Variants in MFHAS1 observed in about 807,000 individuals in gnomAD.
MFHAS1 encodes the protein malignant fibrous histiocytoma-amplified sequence 1.
Under a neutral mutation model 70.4 loss-of-function variants are expected in MFHAS1, and 50 were observed. That is an observed-to-expected ratio of 0.71 (90% CI 0.57 to 0.90). The LOEUF is 0.90. Ranked by LOEUF, MFHAS1 falls within the 40% of genes least tolerant of loss-of-function variation. The probability of loss-of-function intolerance (pLI) is 0.00; values close to 1 mark genes in which losing one functional copy is unlikely to be tolerated. For synonymous variants in MFHAS1, 952 were observed against 620.0 expected (o/e 1.54, Z -7.96); for missense variants, 1,795 against 1,347.6 (o/e 1.33, Z -5.20).
chr8:8,833,534 T>G (rs1192684147), intron 1 of MFHAS1, among the ~76,000 whole-genome samples: 1 of 151,696 alleles, frequency 6.6e-6, no homozygotes, highest in Non-Finnish European at 1.5e-5. Context: ...GAGGCTGAGG[T>G]AGGAAGACTG....
At chr8:8,845,250 A>G (rs1300373702) in intron 1 of MFHAS1, among the ~76,000 whole-genome samples, 2 of 152,244 alleles carry the variant, frequency 1.3e-5, no homozygotes, top group Non-Finnish European at 2.9e-5. Context: ...AGTTCACATA[A>G]AAGTCAGAAA....
chr8:8,788,697 T>G (rs1805630858), intron 2 of MFHAS1, among the ~76,000 whole-genome samples: 1 of 151,942 alleles, frequency 6.6e-6, no homozygotes, highest in African/African-American at 2.4e-5. Flanking sequence ...AAACAAAAAG[T>G]ATTGAGGAGA....
At chr8:8,810,811 A>C (rs755334769) in intron 1 of MFHAS1, among the ~76,000 whole-genome samples, 1 of 152,152 alleles carries the variant, frequency 6.6e-6, no homozygotes, top group Non-Finnish European at 1.5e-5. Flanking sequence ...GAGTTGTTCA[A>C]GGGTCAAGTG....
intron 1 of MFHAS1, chr8:8,859,863 A>C (rs552427679): frequency 3.3e-5 from 5 of 152,228 alleles, no homozygotes; most frequent in East Asian, 1.9e-4. Flanking sequence ...GGTGCCCCCA[A>C]TGCCTGCATT....
chr8:8,861,746 C>T (rs903022142), intron 1 of MFHAS1, among the ~76,000 whole-genome samples: 9 of 152,216 alleles, frequency 5.9e-5, no homozygotes, highest in Non-Finnish European at 1.3e-4. Flanking sequence ...CTTCCCCATA[C>T]CACCGGCCCC....
At chr8:8,879,484 G>C (rs1287695843) in intron 1 of MFHAS1, among the ~76,000 whole-genome samples, 1 of 152,176 alleles carries the variant, frequency 6.6e-6, no homozygotes, top group East Asian at 1.9e-4. Context: ...AGTTCTGCCT[G>C]AGATTTCTCG....
In MFHAS1 at chr8:8,890,662, T is replaced by G; in HGVS notation, c.2397A>C (p.Pro799=). Residue 799 remains proline (P), a synonymous_variant, in exon 1 of 3, where the codon CCA becomes CCC. Coordinates refer to ENST00000276282, the MANE Select transcript of MFHAS1 (RefSeq NM_004225.3). ...TAAGCAGCAACCGAATGACATGAGC[T>G]GGCAAGAGCCCATGCAACAGAAAGC... ...VEGFLLHGLL[P]AHVIRLLLKP... is the part of the protein sequence containing the mutation. The G allele has an allele frequency of 6.2e-7, 1 of 1,613,584 alleles. No individual in the cohort carries two copies. The highest frequency in any genetic ancestry group is 8.5e-7 in the Non-Finnish European group (1 of 1,179,662).
intron 1 of MFHAS1, among the ~76,000 whole-genome samples, chr8:8,856,973 G>C (rs1372702129): frequency 1.1e-5 from 1 of 88,448 alleles, no homozygotes; most frequent in East Asian, 3.6e-4. Context: ...TTTCACATCA[G>C]GAAAGTGAAA....
At chr8:8,848,277 C>T (rs569200782) in intron 1 of MFHAS1, among the ~76,000 whole-genome samples, 6 of 152,110 alleles carry the variant, frequency 3.9e-5, no homozygotes, top group Non-Finnish European at 7.3e-5. Context: ...ATAGCCTCCT[C>T]CTAGTCTTCA....
intron 1 of MFHAS1, among the ~76,000 whole-genome samples, chr8:8,868,148 T>G (rs772892718): frequency 6.6e-6 from 1 of 152,026 alleles, no homozygotes; most frequent in South Asian, 2.1e-4. Context: ...GGGGATTCAG[T>G]TGAATCTCCC....
intron 1 of MFHAS1, among the ~76,000 whole-genome samples, chr8:8,799,836 A>G (rs1379090879): frequency 6.6e-6 from 1 of 152,226 alleles, no homozygotes; most frequent in East Asian, 1.9e-4. Flanking sequence ...GCAGGCCCAT[A>G]TCAGCACTGG....
At chr8:8,801,530 T>C (rs3827810) in intron 1 of MFHAS1, among the ~76,000 whole-genome samples, 1 of 152,082 alleles carries the variant, frequency 6.6e-6, no homozygotes, top group Non-Finnish European at 1.5e-5. Context: ...TTAAGAAACG[T>C]GCACAGTTCC....
At position 8,860,600 on chromosome 8, in the gene MFHAS1, A is replaced by T. The variant is rs137929923; in HGVS notation, c.2998+29461T>A. ...CTGAGAGTGGCTCTGCCACCATCAC[A>T]GCAAACAGGAGGCTTAAGGATGAAG... On this transcript the variant is annotated intron_variant, in intron 1 of 2. Coordinates refer to ENST00000276282, the MANE Select transcript of MFHAS1 (RefSeq NM_004225.3). Among the ~76,000 whole-genome samples the T allele has an allele frequency of 1.1e-4, 16 of 152,272 alleles. No homozygotes were observed. In the East Asian group the frequency reaches 3.1e-3, roughly 29 times the overall value.
At chr8:8,823,407 G>C (rs1462824294) in intron 1 of MFHAS1, among the ~76,000 whole-genome samples, 1 of 152,152 alleles carries the variant, frequency 6.6e-6, no homozygotes, top group African/African-American at 2.4e-5. Context: ...CTCCGATCCT[G>C]GTGCTGCGCT....
Position 8,892,637 on chromosome 8 carries a change from T to C in MFHAS1, c.422A>G (p.Asn141Ser). 3 of 1,601,878 alleles carry C rather than the reference T, an allele frequency of 1.9e-6. No homozygotes were observed. Among genetic ancestry groups the C allele is most frequent in the East Asian group, 2.3e-5 (1 of 44,276 alleles). Reference protein sequence around the residue: ...VSALRELRKLNLSHNQLPALP... With the variant: ...VSALRELRKLSLSHNQLPALP... Reference sequence around the variant, plus strand: ...GGCGGGCAGCTGGTTGTGGCTGAGGTTGAGCTTCCGCAGCTCCCTCAGAGC... The same window carrying C: ...GGCGGGCAGCTGGTTGTGGCTGAGGCTGAGCTTCCGCAGCTCCCTCAGAGC... Residue 141 changes from asparagine to serine, a missense_variant, in exon 1 of 3, where the codon AAC becomes AGC. By Grantham distance (46) the Asn-to-Ser change is conservative. Coordinates refer to ENST00000276282, the MANE Select transcript of MFHAS1 (RefSeq NM_004225.3). The surrounding 1 kb of genome is among the most constrained non-coding windows in gnomAD (Gnocchi z 4.7).
At chr8:8,880,146 C>T (rs548155421) in intron 1 of MFHAS1, among the ~76,000 whole-genome samples, 3 of 152,280 alleles carry the variant, frequency 2.0e-5, no homozygotes, top group South Asian at 2.1e-4. Context: ...TCCCCACAAC[C>T]GTGTCCAAGA....
chr8:8,796,273 C>T (rs1805890583), intron 2 of MFHAS1, among the ~76,000 whole-genome samples: 1 of 152,130 alleles, frequency 6.6e-6, no homozygotes, highest in South Asian at 2.1e-4. Context: ...GGGACTGACT[C>T]CGCAATCAGA....
chr8:8,886,678 T>A (rs2116940592), intron 1 of MFHAS1, among the ~76,000 whole-genome samples: 1 of 152,320 alleles, frequency 6.6e-6, no homozygotes, highest in African/African-American at 2.4e-5. Context: ...TACTATTTAC[T>A]TTTACTGTAA....
Position 8,784,736 on chromosome 8 carries a change from G to A in MFHAS1, c.*1286C>T, listed in dbSNP as rs1423941751. ...ATACATTTTCGATCAACCCACGGAG[G>A]AGGCAAATGTAAACAGAGTTTTTTA... On this transcript the variant is annotated 3_prime_UTR_variant, in exon 3 of 3. Transcript: ENST00000276282. The A allele has an allele frequency of 6.6e-6, 1 of 152,180 alleles. No homozygotes were observed. Among genetic ancestry groups the A allele is most frequent in the Non-Finnish European group, 1.5e-5 (1 of 68,042 alleles). The allele number at this position is 152,180 out of a possible 1,614,324, so 9.4% of individuals were successfully genotyped here. A position where few individuals can be genotyped will look rare whatever the true frequency, so the allele number is the denominator to read the frequency against.
Sources: gnomAD v4.1 joint callset for allele counts (sites outside exome capture counted in the v4.1 genomes callset) on GRCh38, gnomAD v4.1.1 for gene constraint, Gnocchi (gnomAD v3.1) non-coding constraint, MANE v1.5 for transcripts, NCBI Gene and HGNC (gene_info 2026-07-23, HGNC 2026-07-21) for gene names.